The following WDR64 variants were observed in gnomAD, a reference collection of about 807,000 sequenced individuals.
The protein encoded by WDR64 is WD repeat-containing protein 64.
A neutral mutation model predicts 139.3 loss-of-function variants in WDR64; 112 were observed. The observed-to-expected ratio is 0.80, with a 90% CI of 0.69 to 0.94. The LOEUF is 0.94. WDR64 is among the 40% of genes least tolerant of loss of function. WDR64 has a pLI of 0.00. For synonymous variants in WDR64, 444 were observed against 437.7 expected, an observed-to-expected ratio of 1.01 and a Z score of -0.18; for missense variants, 1,206 against 1,293.1, an observed-to-expected ratio of 0.93 and a Z score of 1.03.
chr1:241,740,331 T>A (rs1392914702), intron 11 of WDR64, among the ~76,000 whole-genome samples: 1 of 152,236 alleles, frequency 6.6e-6, no homozygotes, highest in African/African-American at 2.4e-5. Flanking sequence ...ATGAAAAGGA[T>A]CTACCAAAAG....
intron 20 of WDR64, among the ~76,000 whole-genome samples, chr1:241,774,065 A>C (rs1265130845): frequency 1.3e-5 from 2 of 152,216 alleles, no homozygotes; most frequent in Non-Finnish European, 2.9e-5. Context: ...GGTGGAATTA[A>C]GAGGACAGAA....
At chr1:241,709,810 A>G (rs72768082) in intron 8 of WDR64, among the ~76,000 whole-genome samples, 15,176 of 152,240 alleles carry the variant, frequency 0.1, 953 homozygotes, top group Admixed American at 0.18. Flanking sequence ...AAATACTTAT[A>G]TATACAAAAA....
intron 10 of WDR64, among the ~76,000 whole-genome samples, chr1:241,728,058 T>G (rs1668917584): frequency 6.6e-6 from 1 of 151,852 alleles, no homozygotes; most frequent in South Asian, 2.1e-4. Context: ...CTGGGCTGGG[T>G]GCCGCAGTTC....
intron 8 of WDR64, among the ~76,000 whole-genome samples, chr1:241,702,145 C>A (rs1558480055): frequency 6.6e-6 from 1 of 152,170 alleles, no homozygotes; most frequent in Non-Finnish European, 1.5e-5. Context: ...AACCTTCAAA[C>A]CCTTTGATAG....
chr1:241,680,584 G>A (rs755648771), intron 6 of WDR64, among the ~76,000 whole-genome samples: 8 of 152,116 alleles, frequency 5.3e-5, no homozygotes, highest in South Asian at 2.1e-4. Context: ...TTCACTCTCC[G>A]TCAACTCTTC....
intron 16 of WDR64, among the ~76,000 whole-genome samples, chr1:241,767,551 TTATC>T (rs1220458267): frequency 6.6e-6 from 1 of 152,042 alleles, no homozygotes; most frequent in Non-Finnish European, 1.5e-5. Context: ...AAAATCAAGT[TTATC>T]TAAGCATTTG....
rs1181674448 is a variant in WDR64 at position 241,675,036 on chromosome 1, CTTCTTCT to C, written c.483+293_483+299del. 1.0e-3 allele frequency among the ~76,000 whole-genome samples: 28 copies of C among 27,528 alleles called. 3 individuals carry two copies. Among genetic ancestry groups the C allele is most frequent in the Non-Finnish European group, 1.6e-3 (18 of 10,910 alleles). 18.1% of individuals were successfully genotyped at this position (27,528 alleles called of 152,430 possible). On this transcript the variant is annotated intron_variant, in intron 4 of 27. Transcript: ENST00000437684. ...TCCTTTCTTCTTCCTTCCCTCCCTCCTTCTTCTTTCCTTCCTTTTCTCCCTTCCTCCT... is the reference window on the plus strand; with the variant it reads ...TCCTTTCTTCTTCCTTCCCTCCCTCCTTCCTTCCTTTTCTCCCTTCCTCCT...
chr1:241,780,058 A>C lies in WDR64; in HGVS notation c.2591A>C (p.Glu864Ala), dbSNP rs763040167. ...ISSFLDPPHD[E>A]KKFKQLLSWR... ...TCTTTCCTGGATCCACCTCATGATG[A>C]AAAGGTAAGAACTTCAGTTTTCCAC... Residue 864 changes from glutamate to alanine, a missense_variant, in exon 22 of 28, where the codon GAA (glutamate) becomes GCA (alanine). Physicochemically the swap from Glu to Ala is moderately radical, Grantham distance 107. Transcript: ENST00000437684. The C allele has an allele frequency of 2.6e-5, 41 of 1,591,274 alleles. No homozygotes were observed. The East Asian group carries it at 8.0e-4, about 31-fold the overall frequency.
intron 15 of WDR64, among the ~76,000 whole-genome samples, chr1:241,763,263 A>G (rs1658004789): frequency 6.6e-6 from 1 of 152,254 alleles, no homozygotes; most frequent in African/African-American, 2.4e-5. Flanking sequence ...ATGGTGATAA[A>G]TTATAAACTA....
chr1:241,738,641 C>G, intron 11 of WDR64, 152 bp downstream of exon 11: 1 of 798,302 alleles, frequency 1.3e-6, no homozygotes, highest in Non-Finnish European at 1.9e-6. Context: ...TAATTCAATT[C>G]TGCTCTTTCC....
chr1:241,662,189 A>G (rs1665857983), intron 2 of WDR64, among the ~76,000 whole-genome samples: 1 of 152,232 alleles, frequency 6.6e-6, no homozygotes, highest in Non-Finnish European at 1.5e-5. Context: ...CTAAATTATC[A>G]TAAATTTAGC....
Position 241,652,394 on chromosome 1 carries a change from C to A in WDR64, c.-91C>A. Reference sequence around the variant, plus strand: ...AGACCTAGGGCAAAAACTGAGACAGCAGGGAGGCACTGTAACAACTGGAAA... The same window carrying A: ...AGACCTAGGGCAAAAACTGAGACAGAAGGGAGGCACTGTAACAACTGGAAA... On this transcript the variant is annotated 5_prime_UTR_variant, in exon 1 of 28. Coordinates refer to ENST00000437684, the MANE Select transcript of WDR64 (RefSeq NM_001367482.1). The A allele has an allele frequency of 7.5e-7, 1 of 1,342,184 alleles. No individual in the cohort carries two copies. Among genetic ancestry groups the A allele is most frequent in the Non-Finnish European group, 1.0e-6 (1 of 992,574 alleles). The allele number at this position is 1,342,184 out of a possible 1,614,324, so 83.1% of individuals were successfully genotyped here.
chr1:241,711,203 C>T (rs1032094905), intron 8 of WDR64, among the ~76,000 whole-genome samples: 1 of 149,924 alleles, frequency 6.7e-6, no homozygotes, highest in African/African-American at 2.5e-5. Flanking sequence ...TGCCACTGCA[C>T]TCCAGCCTGG....
intron 1 of WDR64, among the ~76,000 whole-genome samples, chr1:241,655,245 T>A (rs1419277844): frequency 6.6e-6 from 1 of 152,052 alleles, no homozygotes. Flanking sequence ...TAGCTGGGCA[T>A]GGTGACGTGT....
chr1:241,717,113 G>C (rs80133610), intron 9 of WDR64, among the ~76,000 whole-genome samples: 7,050 of 152,208 alleles, frequency 0.046, 214 homozygotes, highest in South Asian at 0.081. Context: ...GACACATCTT[G>C]ACAATTCCCA....
chr1:241,656,910 G>A lies in WDR64; in HGVS notation c.146-3620G>A, dbSNP rs915622418. 6.8e-6 allele frequency among the ~76,000 whole-genome samples: 1 copy of A among 147,586 alleles called. No homozygotes were observed. The highest frequency in any genetic ancestry group is 1.5e-5 in the Non-Finnish European group (1 of 67,464). On this transcript the variant is annotated intron_variant, in intron 1 of 27. Coordinates refer to ENST00000437684, the MANE Select transcript of WDR64 (RefSeq NM_001367482.1). This position sits in a 1 kb window ranked among gnomAD's most constrained non-coding sequence, Gnocchi z 4.3. ...TGTGTGTGTGTGTGTGTGTGTGTGT[G>A]TCTGTCTGGGGATGGAGGTGAGGTG...
At chr1:241,729,357 T>A (rs1031369716) in intron 10 of WDR64, among the ~76,000 whole-genome samples, 11 of 152,224 alleles carry the variant, frequency 7.2e-5, no homozygotes, top group African/African-American at 2.7e-4. Flanking sequence ...TGTACTGCCA[T>A]GTTGATCCTC....
chr1:241,679,442 A>T (rs1261057377), intron 5 of WDR64, 43 bp from the exon 6 acceptor site: 1 of 1,503,668 alleles, frequency 6.7e-7, no homozygotes, highest in Non-Finnish European at 9.1e-7. Context: ...CAGGTCATTG[A>T]AGGAAATGCA....
At position 241,775,193 on chromosome 1, in the gene WDR64, T is replaced by C. The variant is rs1187153728; in HGVS notation, c.2519T>C (p.Leu840Pro). ...SLYTDSCTRILLAGNVEGHVI... is the reference protein window; with the variant it reads ...SLYTDSCTRIPLAGNVEGHVI... ...TATACTGATTCATGTACGAGGATAC[T>C]ACTGGCTGGAAATGTGGGTGAGTCA... The change falls in exon 21 of 28, where the codon CTA (leucine) becomes CCA (proline). Residue 840 changes from leucine to proline, a missense_variant. Physicochemically the swap from Leu to Pro is moderately conservative, Grantham distance 98 (BLOSUM62 -3). Transcript: ENST00000437684. The C allele has an allele frequency of 4.5e-6, 7 of 1,550,234 alleles. No homozygotes were observed. The highest frequency in any genetic ancestry group is 6.1e-6 in the Non-Finnish European group (7 of 1,146,728).
Sources: allele counts gnomAD v4.1 joint callset (sites outside exome capture counted in the v4.1 genomes callset), GRCh38; gene constraint gnomAD v4.1.1; non-coding constraint Gnocchi (gnomAD v3.1); transcripts MANE v1.5; gene names NCBI Gene and HGNC (gene_info 2026-07-23, HGNC 2026-07-21).